Variants in CEP89 observed in about 807,000 individuals in gnomAD.
CEP89 encodes the protein centrosomal protein of 89 kDa.
A neutral mutation model predicts 97.6 loss-of-function variants in CEP89; 95 were observed. That is an observed-to-expected ratio of 0.97 (90% CI 0.82 to 1.15). The LOEUF (loss-of-function observed/expected upper bound fraction) is 1.15, where lower values mean the gene tolerates loss of function less well. CEP89 is among the 50% of genes most tolerant of loss of function. CEP89 has a pLI of 0.00. For missense variants in CEP89, 869 were observed against 947.7 expected, an observed-to-expected ratio of 0.92 and a Z score of 1.09; for synonymous variants, 354 against 349.1, an observed-to-expected ratio of 1.01 and a Z score of -0.16.
At position 32,900,017 on chromosome 19, in the gene CEP89, T is replaced by C. The variant is rs374060685; in HGVS notation, c.1734-19A>G. ...AGATTTCCTAGAGAGTTACCCCAAATGGTAGAATAAAAAGCCCATTAGTTT... is the reference window on the plus strand; with the variant it reads ...AGATTTCCTAGAGAGTTACCCCAAACGGTAGAATAAAAAGCCCATTAGTTT... On this transcript the variant is annotated intron_variant, in intron 15 of 18. Transcript: ENST00000305768. The C allele has an allele frequency of 1.1e-5, 18 of 1,613,332 alleles. No homozygotes were observed. The African/African-American group carries it at 1.7e-4, about 16-fold the overall frequency.
At chr19:32,945,298 A>AG (rs2145946947) in intron 5 of CEP89, among the ~76,000 whole-genome samples, 1 of 151,866 alleles carries the variant, frequency 6.6e-6, no homozygotes, top group East Asian at 1.9e-4. Context: ...AAAAAAAAAA[A>AG]AAAAAAAGTA....
At chr19:32,883,273 G>C (rs1448933931) in intron 17 of CEP89, among the ~76,000 whole-genome samples, 1 of 152,110 alleles carries the variant, frequency 6.6e-6, no homozygotes, top group Non-Finnish European at 1.5e-5. Flanking sequence ...CCCAAGAATT[G>C]TTTAGTGCAC....
chr19:32,944,061 C>T (rs1402326392), intron 5 of CEP89, among the ~76,000 whole-genome samples: 1 of 151,644 alleles, frequency 6.6e-6, no homozygotes, highest in Non-Finnish European at 1.5e-5. Context: ...AACCCTGTGT[C>T]TAACAAAATA....
chr19:32,887,381 C>T (rs1969422087), intron 17 of CEP89, among the ~76,000 whole-genome samples: 2 of 151,812 alleles, frequency 1.3e-5, no homozygotes, highest in Admixed American at 1.3e-4. Flanking sequence ...CCATGCCTGG[C>T]TAACTTTTTA....
At chr19:32,918,753 T>C (rs975864490) in intron 12 of CEP89, among the ~76,000 whole-genome samples, 5 of 152,124 alleles carry the variant, frequency 3.3e-5, no homozygotes, top group Non-Finnish European at 7.3e-5. Flanking sequence ...AAAGTTCCCA[T>C]TTCAATTTTA....
Position 32,959,892 on chromosome 19 carries a change from G to C in CEP89, c.305+8C>G, listed in dbSNP as rs763334013. On this transcript the variant is annotated splice_region_variant and intron_variant, in intron 3 of 18. Coordinates refer to ENST00000305768, the MANE Select transcript of CEP89 (RefSeq NM_032816.5). The stretch of plus-strand genomic sequence containing the variant: ...CAGAGGAAGCAGAGGCGGCGATCTG[G>C]TACCTACCGAGGCCTCAGCTGTGAG... 6.2e-7 allele frequency: 1 copy of C among 1,613,932 alleles called. No homozygotes were observed. Among genetic ancestry groups the C allele is most frequent in the African/African-American group, 1.3e-5 (1 of 74,910 alleles).
chr19:32,940,108 G>A lies in CEP89; in HGVS notation c.596-223C>T, dbSNP rs533514946. Among the ~76,000 whole-genome samples, 9 of 152,226 alleles carry A rather than the reference G, an allele frequency of 5.9e-5. No homozygotes were observed. The South Asian group carries it at 1.0e-3, about 18-fold the overall frequency. ...CCATACCCATGCCTGACCACCATCC[G>A]TGGCTCACGTGGCTGCAGAACCAAA... On this transcript the variant is annotated intron_variant, in intron 5 of 18. Coordinates refer to ENST00000305768, the MANE Select transcript of CEP89 (RefSeq NM_032816.5).
rs8099839 is a variant in CEP89, at chr19:32,936,578, A to G, written c.667+1053T>C. 0.22 allele frequency among the ~76,000 whole-genome samples: 32,692 copies of G among 151,964 alleles called. 4,003 individuals carry two copies. Among genetic ancestry groups the G allele is most frequent in the African/African-American group, 0.31 (12,852 of 41,446 alleles). The stretch of plus-strand genomic sequence containing the variant: ...CCCACCCATGGCCACCCATGGACCA[A>G]TCGGTGCGCACTTCCTCCCTTCTGA... On this transcript the variant is annotated intron_variant, in intron 7 of 18. Transcript: ENST00000305768. This position sits in a 1 kb window ranked among gnomAD's most constrained non-coding sequence, Gnocchi z 4.5.
At chr19:32,941,330 C>A (rs1050668351) in intron 5 of CEP89, among the ~76,000 whole-genome samples, 2 of 151,778 alleles carry the variant, frequency 1.3e-5, no homozygotes, top group African/African-American at 4.8e-5. Flanking sequence ...TAGTGAAACC[C>A]CATCTCTACT....
rs1471468250 is a variant in CEP89 at position 32,902,002 on chromosome 19, C to CTG, written c.1566-591_1566-590insCA. Among the ~76,000 whole-genome samples, 194 of 105,028 alleles carry CTG rather than the reference C, an allele frequency of 1.8e-3. 1 individual carries two copies. The highest frequency in any genetic ancestry group is 9.0e-3 in the African/African-American group (179 of 19,970). 68.9% of individuals were successfully genotyped at this position (105,028 alleles called of 152,430 possible). A position where few individuals can be genotyped will look rare whatever the true frequency, so the allele number is the denominator to read the frequency against. ...CTTATGTCTCTGTCTCTCTGTCTCT[C>CTG]TCTCTCTCTGTGTGTGTGTGTGTGT... On this transcript the variant is annotated intron_variant, in intron 14 of 18. Coordinates refer to ENST00000305768, the MANE Select transcript of CEP89 (RefSeq NM_032816.5).
chr19:32,965,439 G>A (rs1017261454), intron 2 of CEP89, among the ~76,000 whole-genome samples: 4 of 151,444 alleles, frequency 2.6e-5, no homozygotes, highest in East Asian at 3.9e-4. Context: ...AGTGGCTCAC[G>A]TCTGTAATCC....
intron 3 of CEP89, among the ~76,000 whole-genome samples, chr19:32,955,592 C>T (rs2145962462): frequency 6.6e-6 from 1 of 152,212 alleles, no homozygotes; most frequent in Non-Finnish European, 1.5e-5. Flanking sequence ...CAGTGCACTG[C>T]CACCTCCGCT....
chr19:32,946,180 C>T (rs1204953251), intron 5 of CEP89, among the ~76,000 whole-genome samples: 1 of 152,192 alleles, frequency 6.6e-6, no homozygotes, highest in African/African-American at 2.4e-5. Flanking sequence ...TCACTGCAGC[C>T]CTGACCTCCT....
chr19:32,937,909 G>A (rs969148616), intron 6 of CEP89, among the ~76,000 whole-genome samples: 12 of 151,806 alleles, frequency 7.9e-5, no homozygotes, highest in African/African-American at 7.3e-5. Flanking sequence ...TGGTGTGATC[G>A]CAGCTCACTG....
intron 14 of CEP89, among the ~76,000 whole-genome samples, chr19:32,905,440 T>A (rs919481304): frequency 6.6e-6 from 1 of 152,150 alleles, no homozygotes; most frequent in Admixed American, 6.5e-5. Flanking sequence ...TCCTTGAATA[T>A]TTGTAGAGCT....
chr19:32,888,011 A>C (rs1023012971), intron 16 of CEP89, among the ~76,000 whole-genome samples, 170 bp from the exon 17 acceptor site: 2 of 152,238 alleles, frequency 1.3e-5, no homozygotes, highest in African/African-American at 4.8e-5. Flanking sequence ...TCAGGCCAAC[A>C]GTTGAGGATG....
intron 12 of CEP89, among the ~76,000 whole-genome samples, chr19:32,920,370 A>C (rs181872708): frequency 6.6e-6 from 1 of 152,220 alleles, no homozygotes; most frequent in African/African-American, 2.4e-5. Flanking sequence ...GTGAACCACT[A>C]AGCCTGAGCC....
intron 18 of CEP89, among the ~76,000 whole-genome samples, chr19:32,881,406 T>C (rs925773678): frequency 2.6e-5 from 4 of 152,138 alleles, no homozygotes; most frequent in Non-Finnish European, 5.9e-5. Context: ...CTCATGCCTA[T>C]AATCCCAGCT....
intron 3 of CEP89, among the ~76,000 whole-genome samples, chr19:32,958,620 A>C (rs187225466): frequency 6.6e-6 from 1 of 152,316 alleles, no homozygotes; most frequent in East Asian, 1.9e-4. Flanking sequence ...CAGAGGTTGC[A>C]GTGAGCCAGG....
Sources: gnomAD v4.1 joint callset for allele counts (sites outside exome capture counted in the v4.1 genomes callset) on GRCh38, gnomAD v4.1.1 for gene constraint, Gnocchi (gnomAD v3.1) non-coding constraint, MANE v1.5 for transcripts, NCBI Gene and HGNC (gene_info 2026-07-23, HGNC 2026-07-21) for gene names.